The following PID1 variants were observed in gnomAD, a reference collection of about 807,000 sequenced individuals.
The protein encoded by PID1 is PTB-containing, cubilin and LRP1-interacting protein.
Under a neutral mutation model 19.1 loss-of-function variants are expected in PID1, and 10 were observed. That is an observed-to-expected ratio of 0.52 (90% CI 0.32 to 0.89). The LOEUF (loss-of-function observed/expected upper bound fraction) is 0.89, where lower values mean the gene tolerates loss of function less well. Among genes scored for constraint, PID1 ranks in the 40% least tolerant of loss-of-function variants. The pLI, the probability that PID1 is intolerant of heterozygous loss-of-function variation, is 0.03. For synonymous variants in PID1, 130 were observed against 116.0 expected, an observed-to-expected ratio of 1.12 and a Z score of -0.78; for missense variants, 248 against 285.3, an observed-to-expected ratio of 0.87 and a Z score of 0.94.
rs939310461 is a variant in PID1, at chr2:229,271,134, G to A, written c.-91C>T. 3 of 1,415,112 alleles carry A rather than the reference G, an allele frequency of 2.1e-6. No individual in the cohort carries two copies. The highest frequency in any genetic ancestry group is 2.7e-5 in the East Asian group (1 of 37,352). The allele number at this position is 1,415,112 out of a possible 1,614,324, so 87.7% of individuals were successfully genotyped here. ...GGCTGGGGTCCCGCTTTACATCTGG[G>A]GTCGGTGTCCGCGGGATGTGCGTCC... On this transcript the variant is annotated 5_prime_UTR_variant, in exon 1 of 3. Coordinates refer to ENST00000392055, the MANE Select transcript of PID1 (RefSeq NM_001100818.2).
At chr2:229,187,857 C>G (rs1329183466) in intron 1 of PID1, among the ~76,000 whole-genome samples, 2 of 152,206 alleles carry the variant, frequency 1.3e-5, no homozygotes, top group African/African-American at 2.4e-5. Flanking sequence ...TTGCTTCACC[C>G]TCTTCTCCAG....
intron 2 of PID1, among the ~76,000 whole-genome samples, chr2:229,102,657 T>C (rs562126608): frequency 1.3e-5 from 2 of 152,320 alleles, no homozygotes; most frequent in Admixed American, 1.3e-4. Context: ...TGAGGGCTCA[T>C]TCTCATCAAA....
rs1379507148 is a variant in PID1, at chr2:229,024,003, CAT to C, written c.*1627_*1628del. 1.3e-5 allele frequency: 2 copies of C among 152,568 alleles called. No homozygotes were observed. The highest frequency in any genetic ancestry group is 2.9e-5 in the Non-Finnish European group (2 of 68,030). 9.5% of individuals were successfully genotyped at this position (152,568 alleles called of 1,614,324 possible). A position where few individuals can be genotyped will look rare whatever the true frequency, so the allele number is the denominator to read the frequency against. On this transcript the variant is annotated 3_prime_UTR_variant, in exon 3 of 3. Transcript: ENST00000392055. ...AACTCCTCAGCTTTATTAATGCAAA[CAT>C]ATTTTTATTAAAGAATGAATGCATT... is the stretch of plus-strand genomic sequence containing the variant.
intron 2 of PID1, among the ~76,000 whole-genome samples, chr2:229,110,927 C>T (rs1195681372): frequency 6.6e-6 from 1 of 152,068 alleles, no homozygotes; most frequent in Non-Finnish European, 1.5e-5. Flanking sequence ...ATTGTAGCTC[C>T]CATAATTCCC....
chr2:229,082,762 A>G (rs1424050019), intron 2 of PID1, among the ~76,000 whole-genome samples: 1 of 152,196 alleles, frequency 6.6e-6, no homozygotes, highest in Admixed American at 6.5e-5. Flanking sequence ...TCTTCTTCAC[A>G]TCTTCCATAA....
intron 1 of PID1, among the ~76,000 whole-genome samples, chr2:229,248,741 A>G (rs1432871313): frequency 6.6e-6 from 1 of 152,122 alleles, no homozygotes; most frequent in Non-Finnish European, 1.5e-5. Context: ...ATCAGTTTAT[A>G]TTAGTATGAA....
At chr2:229,112,056 G>C (rs142556071) in intron 2 of PID1, among the ~76,000 whole-genome samples, 1 of 152,170 alleles carries the variant, frequency 6.6e-6, no homozygotes, top group Non-Finnish European at 1.5e-5. Context: ...TTAGCACATC[G>C]CTCCAATTAT....
At chr2:229,112,035 A>G (rs1695307728) in intron 2 of PID1, among the ~76,000 whole-genome samples, 1 of 152,244 alleles carries the variant, frequency 6.6e-6, no homozygotes, top group Non-Finnish European at 1.5e-5. Flanking sequence ...TCAGAGCTGC[A>G]CGACAGTAAA....
chr2:229,124,139 A>C (rs1469085594), intron 2 of PID1, among the ~76,000 whole-genome samples: 1 of 152,150 alleles, frequency 6.6e-6, no homozygotes, highest in Non-Finnish European at 1.5e-5. Context: ...GTAGAATGAA[A>C]TGTTTACTCT....
At chr2:229,070,102 G>C (rs1694422429) in intron 2 of PID1, among the ~76,000 whole-genome samples, 1 of 152,176 alleles carries the variant, frequency 6.6e-6, no homozygotes. Context: ...GGATTTGCTG[G>C]AGACCACAGT....
chr2:229,193,119 G>A (rs1428773723), intron 1 of PID1, among the ~76,000 whole-genome samples: 5 of 152,160 alleles, frequency 3.3e-5, no homozygotes, highest in Non-Finnish European at 5.9e-5. Flanking sequence ...ATATGGGCAG[G>A]GCTCAGCTGG....
intron 2 of PID1, among the ~76,000 whole-genome samples, chr2:229,126,543 G>A (rs865830717): frequency 5.9e-5 from 9 of 152,238 alleles, no homozygotes; most frequent in Middle Eastern, 3.4e-3. Context: ...TTAGGAACCC[G>A]AAATCACTAA....
intron 2 of PID1, among the ~76,000 whole-genome samples, chr2:229,145,217 C>T (rs1005126762): frequency 2.2e-4 from 31 of 142,294 alleles, no homozygotes; most frequent in Non-Finnish European, 2.4e-4. Context: ...TAAAAGTTAA[C>T]ATCTTATATT....
intron 2 of PID1, among the ~76,000 whole-genome samples, chr2:229,120,468 G>A (rs1014916923): frequency 6.6e-6 from 1 of 151,972 alleles, no homozygotes; most frequent in African/African-American, 2.4e-5. Flanking sequence ...ATTCTGAGCA[G>A]GCTGAGGCAG....
At chr2:229,049,772 G>C (rs773181905) in intron 2 of PID1, among the ~76,000 whole-genome samples, 74 of 152,032 alleles carry the variant, frequency 4.9e-4, no homozygotes, top group Non-Finnish European at 8.4e-4. Context: ...CAATCAGAGG[G>C]GTAAAATCAG....
intron 1 of PID1, among the ~76,000 whole-genome samples, chr2:229,256,985 T>C (rs1266344017): frequency 6.6e-6 from 1 of 152,206 alleles, no homozygotes; most frequent in Non-Finnish European, 1.5e-5. Flanking sequence ...TAAAAACCCA[T>C]GGTCTTTCCA....
chr2:229,057,811 T>TGAAAAC (rs1694134814), intron 2 of PID1, among the ~76,000 whole-genome samples: 1 of 152,158 alleles, frequency 6.6e-6, no homozygotes, highest in Non-Finnish European at 1.5e-5. Flanking sequence ...AATTCTCTTC[T>TGAAAAC]GAAAACTGTG....
intron 1 of PID1, among the ~76,000 whole-genome samples, chr2:229,194,537 A>G (rs1249882908): frequency 2.0e-5 from 3 of 152,082 alleles, no homozygotes; most frequent in Non-Finnish European, 4.4e-5. Flanking sequence ...TGAAAATACA[A>G]TAAGATTACA....
chr2:229,262,370 G>A (rs182341665), intron 1 of PID1, among the ~76,000 whole-genome samples: 5 of 152,254 alleles, frequency 3.3e-5, no homozygotes, highest in Admixed American at 2.6e-4. Flanking sequence ...AAGGTTTGCT[G>A]CCTTTTCCTA....
Sources: gnomAD v4.1 joint callset for allele counts (sites outside exome capture counted in the v4.1 genomes callset) on GRCh38, gnomAD v4.1.1 for gene constraint, MANE v1.5 for transcripts, NCBI Gene and HGNC (gene_info 2026-07-23, HGNC 2026-07-21) for gene names.